The following CCR3 variants were observed in gnomAD, a reference collection of about 807,000 sequenced individuals.
CCR3 encodes the protein C-C motif chemokine receptor 3.
For synonymous variants in CCR3, 203 were observed against 179.2 expected (o/e 1.13, Z -1.06); for missense variants, 419 against 437.5 (o/e 0.96, Z 0.38).
At chr3:46,247,150 C>T (rs746008967) in intron 1 of CCR3, among the ~76,000 whole-genome samples, 4 of 152,146 alleles carry the variant, frequency 2.6e-5, no homozygotes, top group African/African-American at 4.8e-5. Context: ...TTAAGAGCGG[C>T]GGTTTGGGGA....
At chr3:46,219,028 A>G (rs1438345343) in intron 2 of CCR3, among the ~76,000 whole-genome samples, 1 of 152,146 alleles carries the variant, frequency 6.6e-6, no homozygotes, top group Non-Finnish European at 1.5e-5. Context: ...AGTAATGAAG[A>G]AGTCAAACTG....
chr3:46,242,555 C>T lies in CCR3; in HGVS notation c.-12+17C>T, dbSNP rs1016740760. On this transcript the variant is annotated intron_variant, in intron 1 of 1. Transcript: ENST00000395940. ...GATTTTCAGGTAGGTGTCGCTTTTC[C>T]AGGAAAAGGGAGGTGGAACAAGGAG... 6.6e-6 allele frequency: 1 copy of T among 151,744 alleles called. No individual in the cohort carries two copies. The highest frequency in any genetic ancestry group is 2.4e-5 in the African/African-American group (1 of 41,238). 9.4% of individuals were successfully genotyped at this position (151,744 alleles called of 1,614,324 possible).
At chr3:46,250,298 TGGA>T (rs1432309850) in intron 1 of CCR3, among the ~76,000 whole-genome samples, 1 of 150,644 alleles carries the variant, frequency 6.6e-6, no homozygotes, top group African/African-American at 2.4e-5. Context: ...GGTGGAGGAG[TGGA>T]GGCTGAGGAA....
intron 1 of CCR3, among the ~76,000 whole-genome samples, chr3:46,244,189 C>G (rs187859201): frequency 5.9e-4 from 90 of 152,218 alleles, no homozygotes; most frequent in African/African-American, 2.1e-3. Flanking sequence ...TATAGCAGAG[C>G]AAATTGTGAA....
At chr3:46,258,043 C>A (rs1435236675) in intron 1 of CCR3, among the ~76,000 whole-genome samples, 1 of 152,228 alleles carries the variant, frequency 6.6e-6, no homozygotes, top group African/African-American at 2.4e-5. Context: ...AGGCCCCCAG[C>A]TGATTGGATG....
Position 46,265,545 on chromosome 3 carries a change from C to T in CCR3, c.387C>T (p.Ile129=), listed in dbSNP as rs199716185. Reference sequence around the variant, plus strand: ...TCTTTTTCATAATCCTGCTGACAATCGACAGGTACCTGGCCATTGTCCATG... The same window carrying T: ...TCTTTTTCATAATCCTGCTGACAATTGACAGGTACCTGGCCATTGTCCATG... ...SEIFFIILLT[I]DRYLAIVHAV... The change falls in exon 2 of 2, where the codon ATC becomes ATT. Residue 129 remains isoleucine (I), a synonymous_variant. Coordinates refer to ENST00000395940, the MANE Select transcript of CCR3 (RefSeq NM_178329.3). The T allele has an allele frequency of 3.7e-6, 6 of 1,613,970 alleles. No individual in the cohort carries two copies. Among genetic ancestry groups the T allele is most frequent in the East Asian group, 2.2e-5 (1 of 44,876 alleles).
chr3:46,265,226 T>C lies in CCR3; in HGVS notation c.68T>C (p.Leu23Pro). 6.2e-7 allele frequency: 1 copy of C among 1,614,060 alleles called. No homozygotes were observed. The highest frequency in any genetic ancestry group is 8.5e-7 in the Non-Finnish European group (1 of 1,179,994). ...TTSYYDDVGL[L>P]CEKADTRALM... The stretch of plus-strand genomic sequence containing the variant: ...TCCTACTATGATGACGTGGGCCTGC[T>C]CTGTGAAAAAGCTGATACCAGAGCA... The change falls in exon 2 of 2, where the codon CTC becomes CCC. Residue 23 changes from leucine to proline, a missense_variant. By Grantham distance (98) the Leu-to-Pro change is moderately conservative (BLOSUM62 -3). Coordinates refer to ENST00000395940, the MANE Select transcript of CCR3 (RefSeq NM_178329.3).
chr3:46,232,330 T>C (rs183540073), intron 2 of CCR3, among the ~76,000 whole-genome samples: 2 of 152,246 alleles, frequency 1.3e-5, no homozygotes, highest in East Asian at 3.9e-4. Flanking sequence ...GGGAAAGATT[T>C]TGTTGGAAAA....
intron 2 of CCR3, among the ~76,000 whole-genome samples, chr3:46,227,585 C>T (rs1297877800): frequency 1.3e-5 from 2 of 152,000 alleles, no homozygotes; most frequent in African/African-American, 4.8e-5. Flanking sequence ...TTTTGCTCTG[C>T]ATTTTCTGGT....
intron 2 of CCR3, among the ~76,000 whole-genome samples, chr3:46,226,178 A>G (rs1699893020): frequency 6.6e-6 from 1 of 152,182 alleles, no homozygotes; most frequent in African/African-American, 2.4e-5. Flanking sequence ...GACTTTCCAT[A>G]TAAACTTAAG....
At chr3:46,239,974 A>G (rs2125926433), upstream of CCR3, among the ~76,000 whole-genome samples, 1 of 152,120 alleles carries the variant, frequency 6.6e-6, no homozygotes, top group East Asian at 1.9e-4. Flanking sequence ...GAACTCGTCA[A>G]CTCTTTATAA....
chr3:46,239,460 C>T (rs1700056736), upstream of CCR3, among the ~76,000 whole-genome samples: 1 of 152,162 alleles, frequency 6.6e-6, no homozygotes. Flanking sequence ...AAAATTTCCA[C>T]TGTAGATGGT....
chr3:46,253,319 A>G (rs1700354191), intron 1 of CCR3, among the ~76,000 whole-genome samples: 1 of 152,096 alleles, frequency 6.6e-6, no homozygotes. Flanking sequence ...TGCATCTTTG[A>G]ACTACCTCTT....
intron 2 of CCR3, among the ~76,000 whole-genome samples, chr3:46,231,538 C>T (rs1476834018): frequency 6.6e-6 from 1 of 152,092 alleles, no homozygotes; most frequent in East Asian, 1.9e-4. Context: ...ATGAATAAGT[C>T]CTAGAGATGT....
At chr3:46,243,002 T>TATATATATATAC (rs56773457) in intron 1 of CCR3, among the ~76,000 whole-genome samples, 1 of 123,726 alleles carries the variant, frequency 8.1e-6, no homozygotes, top group African/African-American at 3.3e-5. Context: ...TATATATATA[T>TATATATATATAC]ACGCACACAC....
chr3:46,219,902 A>C (rs533012226), intron 2 of CCR3, among the ~76,000 whole-genome samples: 2 of 152,302 alleles, frequency 1.3e-5, no homozygotes, highest in East Asian at 3.9e-4. Flanking sequence ...AGATAACATC[A>C]GAAGAACTCT....
chr3:46,248,300 T>C (rs1027378984), intron 1 of CCR3, among the ~76,000 whole-genome samples: 7 of 151,830 alleles, frequency 4.6e-5, no homozygotes, highest in Non-Finnish European at 1.0e-4. Flanking sequence ...AGGAAGAAAA[T>C]AGATTTTGGA....
chr3:46,225,014 A>T (rs1699878621), intron 2 of CCR3, among the ~76,000 whole-genome samples: 1 of 152,204 alleles, frequency 6.6e-6, no homozygotes, highest in African/African-American at 2.4e-5. Context: ...TTTATTCATA[A>T]TAGTCTCAAA....
intron 2 of CCR3, among the ~76,000 whole-genome samples, chr3:46,227,621 T>C (rs903045631): frequency 1.3e-5 from 2 of 152,208 alleles, no homozygotes; most frequent in African/African-American, 4.8e-5. Flanking sequence ...CTTGGATTAT[T>C]GATGCGAGAC....
Sources: allele counts gnomAD v4.1 joint callset (sites outside exome capture counted in the v4.1 genomes callset), GRCh38; gene constraint gnomAD v4.1.1; transcripts MANE v1.5; gene names NCBI Gene and HGNC (gene_info 2026-07-23, HGNC 2026-07-21).